GALM: variants seen among roughly 807,000 people sequenced by gnomAD.
The protein encoded by GALM is galactose mutarotase, also known as aldose 1-epimerase.
GALM carries 43 observed loss-of-function variants against 37.4 expected under a neutral mutation model. The ratio of observed to expected loss-of-function variants is 1.15; its 90% CI spans 0.90 to 1.48. GALM has a LOEUF of 1.48. Ranked by LOEUF, GALM falls within the 40% of genes most tolerant of loss-of-function variation. GALM has a pLI of 0.00. For synonymous variants in GALM, 199 were observed against 170.6 expected, an observed-to-expected ratio of 1.17 and a Z score of -1.30; for missense variants, 456 against 419.1, an observed-to-expected ratio of 1.09 and a Z score of -0.77.
chr2:38,679,531 A>G (rs1323879899), intron 2 of GALM, among the ~76,000 whole-genome samples: 3 of 152,314 alleles, frequency 2.0e-5, no homozygotes, highest in Non-Finnish European at 4.4e-5. Context: ...GGGCAACCAA[A>G]TCTTTACCTT....
chr2:38,711,161 C>T (rs1325804555), intron 4 of GALM, among the ~76,000 whole-genome samples: 1 of 130,516 alleles, frequency 7.7e-6, no homozygotes, highest in African/African-American at 2.5e-5. Flanking sequence ...TTACAGATAG[C>T]CTTTTTTTTT....
intron 4 of GALM, among the ~76,000 whole-genome samples, chr2:38,703,751 G>A (rs1371666861): frequency 3.9e-5 from 6 of 152,106 alleles, no homozygotes; most frequent in East Asian, 1.9e-4. Context: ...GGTGGCTCAC[G>A]CTTGTAATCC....
intron 4 of GALM, among the ~76,000 whole-genome samples, chr2:38,726,050 C>G (rs1171271292): frequency 1.3e-5 from 2 of 151,872 alleles, no homozygotes; most frequent in African/African-American, 4.8e-5. Flanking sequence ...AGGACAAAAG[C>G]ATACCCAAGT....
intron 3 of GALM, among the ~76,000 whole-genome samples, chr2:38,687,058 G>A (rs1411105669): frequency 6.6e-6 from 1 of 152,172 alleles, no homozygotes; most frequent in Non-Finnish European, 1.5e-5. Flanking sequence ...TGTCTCGACT[G>A]ACCCAAAGCC....
intron 4 of GALM, among the ~76,000 whole-genome samples, chr2:38,695,983 G>A (rs1189501161): frequency 4.6e-5 from 7 of 151,990 alleles, no homozygotes. Flanking sequence ...ACAGGTGTGA[G>A]CCACCACACC....
At chr2:38,696,433 CTTT>C (rs35556554) in intron 4 of GALM, among the ~76,000 whole-genome samples, 16 of 136,520 alleles carry the variant, frequency 1.2e-4, no homozygotes, top group Non-Finnish European at 9.5e-5. Flanking sequence ...TTTTTCTTTT[CTTT>C]TTTTTTTTTT....
chr2:38,713,109 G>C (rs1270978047), intron 4 of GALM, among the ~76,000 whole-genome samples: 3 of 152,144 alleles, frequency 2.0e-5, no homozygotes, highest in Non-Finnish European at 4.4e-5. Context: ...TTTTGGAGGA[G>C]AGCAGGAGGC....
At chr2:38,724,762 A>G (rs1007379726) in intron 4 of GALM, among the ~76,000 whole-genome samples, 1 of 152,184 alleles carries the variant, frequency 6.6e-6, no homozygotes, top group Non-Finnish European at 1.5e-5. Flanking sequence ...GTAGCCTGAA[A>G]TTTGGCCCTG....
At position 38,675,976 on chromosome 2, in the gene GALM, A is replaced by T. The variant is rs150286350; in HGVS notation, c.255A>T (p.Lys85Asn). 16 of 1,614,018 alleles carry T rather than the reference A, an allele frequency of 9.9e-6. No homozygotes were observed. The African/African-American group carries it at 2.1e-4, about 22-fold the overall frequency. The change falls in exon 2 of 7, where the codon AAA (lysine) becomes AAT (asparagine). Residue 85 changes from lysine to asparagine, a missense_variant. By Grantham distance (94) the Lys-to-Asn change is moderately conservative (BLOSUM62 0). Transcript: ENST00000272252. ...GGAGGGTGGCCAACCGAATCGCCAA[A>T]GGAACCTTCAAGGTGGATGGGAAGG... ...VIGRVANRIA[K>N]GTFKVDGKEY...
At chr2:38,678,286 A>G (rs1665309460) in intron 2 of GALM, among the ~76,000 whole-genome samples, 2 of 152,164 alleles carry the variant, frequency 1.3e-5, no homozygotes, top group Admixed American at 1.3e-4. Flanking sequence ...CTGGGATTAC[A>G]GGCATGATCC....
chr2:38,733,945 C>A lies in GALM; in HGVS notation c.*380C>A, dbSNP rs564012160. ...TCTCACATTGCTTTTATTTCCTCCT[C>A]CTTCACCTCCAACCACTGTCAGCAG... is the stretch of plus-strand genomic sequence containing the variant. On this transcript the variant is annotated 3_prime_UTR_variant, in exon 7 of 7. Coordinates refer to ENST00000272252, the MANE Select transcript of GALM (RefSeq NM_138801.3). 33 of 304,990 alleles carry A rather than the reference C, an allele frequency of 1.1e-4. No homozygotes were observed. Among genetic ancestry groups the A allele is most frequent in the African/African-American group, 6.5e-4 (30 of 46,470 alleles). The allele number at this position is 304,990 out of a possible 1,614,324, so 18.9% of individuals were successfully genotyped here. A position where few individuals can be genotyped will look rare whatever the true frequency, so the allele number is the denominator to read the frequency against.
chr2:38,688,215 A>T (rs1665589165), intron 3 of GALM, among the ~76,000 whole-genome samples: 1 of 150,726 alleles, frequency 6.6e-6, no homozygotes, highest in Non-Finnish European at 1.5e-5. Flanking sequence ...CCGTCTCAAA[A>T]AAAAAAAAAA....
chr2:38,697,869 G>C (rs779385703), intron 4 of GALM, among the ~76,000 whole-genome samples: 3 of 152,054 alleles, frequency 2.0e-5, no homozygotes, highest in Non-Finnish European at 2.9e-5. Context: ...CTCTACCCCA[G>C]GCAGGACCCA....
chr2:38,725,618 G>A (rs1666471260), intron 4 of GALM, among the ~76,000 whole-genome samples: 1 of 152,146 alleles, frequency 6.6e-6, no homozygotes, highest in African/African-American at 2.4e-5. Flanking sequence ...AGGAGGCTGA[G>A]GCAGGAGGAT....
At chr2:38,680,330 A>T (rs1228695277) in intron 2 of GALM, among the ~76,000 whole-genome samples, 1 of 152,200 alleles carries the variant, frequency 6.6e-6, no homozygotes, top group African/African-American at 2.4e-5. Flanking sequence ...CCACAAAAAA[A>T]AACTTTAAAA....
intron 1 of GALM, chr2:38,668,850 T>G (rs1444066824): frequency 2.0e-5 from 3 of 152,130 alleles, no homozygotes; most frequent in Non-Finnish European, 4.4e-5. Flanking sequence ...GGGGTTATCT[T>G]GACATTACCA....
chr2:38,726,031 A>C (rs1666478851), intron 4 of GALM, among the ~76,000 whole-genome samples: 1 of 151,722 alleles, frequency 6.6e-6, no homozygotes, highest in Non-Finnish European at 1.5e-5. Context: ...TATATCATGT[A>C]AACATTGCAG....
intron 4 of GALM, among the ~76,000 whole-genome samples, chr2:38,720,249 T>C (rs888181617): frequency 5.9e-5 from 9 of 151,956 alleles, no homozygotes; most frequent in Non-Finnish European, 1.2e-4. Context: ...TTAATCTGTC[T>C]CTTCCACCAG....
intron 4 of GALM, among the ~76,000 whole-genome samples, chr2:38,725,378 A>G (rs1244123885): frequency 1.3e-5 from 2 of 151,356 alleles, no homozygotes; most frequent in Admixed American, 1.3e-4. Context: ...TCTTCAAATA[A>G]TTTAAAAATT....
Sources: allele counts gnomAD v4.1 joint callset (sites outside exome capture counted in the v4.1 genomes callset), GRCh38; gene constraint gnomAD v4.1.1; transcripts MANE v1.5; gene names NCBI Gene and HGNC (gene_info 2026-07-23, HGNC 2026-07-21).